Variants in FRYL observed in about 807,000 individuals in gnomAD.
FRYL encodes protein furry homolog-like.
In FRYL, 150 loss-of-function variants were observed where a neutral mutation model predicts 351.2. That is an observed-to-expected ratio of 0.43 (90% CI 0.37 to 0.49). The LOEUF (loss-of-function observed/expected upper bound fraction) is 0.49. FRYL is among the 20% of genes least tolerant of loss of function. The probability of loss-of-function intolerance (pLI) is 0.00; values close to 1 mark genes in which losing one functional copy is unlikely to be tolerated. For missense variants in FRYL, 3,036 were observed against 3,619.3 expected (o/e 0.84, Z 4.13); for synonymous variants, 1,153 against 1,257.1 (o/e 0.92, Z 1.75).
intron 2 of FRYL, among the ~76,000 whole-genome samples, chr4:48,689,051 C>T (rs1374388589): frequency 6.6e-6 from 1 of 152,094 alleles, no homozygotes; most frequent in Non-Finnish European, 1.5e-5. Flanking sequence ...ATTACATGAC[C>T]TGCTAAAAAT....
intron 16 of FRYL, among the ~76,000 whole-genome samples, chr4:48,592,129 G>A: frequency 9.5e-6 from 1 of 105,522 alleles, no homozygotes; most frequent in East Asian, 2.6e-4. Flanking sequence ...ATCTAAGTAA[G>A]ATTAAAAGTT....
chr4:48,657,349 T>C (rs995696281), intron 3 of FRYL, among the ~76,000 whole-genome samples: 19 of 125,350 alleles, frequency 1.5e-4, no homozygotes, highest in Admixed American at 3.8e-4. Flanking sequence ...TTTTCTTTTC[T>C]TTTCTTTTTT....
chr4:48,588,561 A>C (rs1227723071), intron 18 of FRYL, among the ~76,000 whole-genome samples: 2 of 152,204 alleles, frequency 1.3e-5, no homozygotes, highest in Non-Finnish European at 2.9e-5. Context: ...ACCACCTCTC[A>C]GGCACAGCAT....
At chr4:48,580,520 GTAGCATTTTCACAAGTATTTC>G (rs1740667017) in intron 22 of FRYL, 1 of 237,318 alleles carries the variant, frequency 4.2e-6, no homozygotes, top group South Asian at 1.6e-4. Flanking sequence ...TTTTTTTCCC[GTAGCATTTTCACAAGTATTTC>G]TATCTCACGA....
rs1336812705 is a variant in FRYL at position 48,498,674 on chromosome 4, T to TAACA, written c.*744_*747dup. 2.0e-5 allele frequency: 3 copies of TAACA among 152,754 alleles called. No homozygotes were observed. Among genetic ancestry groups the TAACA allele is most frequent in the African/African-American group, 4.8e-5 (2 of 41,584 alleles). 9.5% of individuals were successfully genotyped at this position (152,754 alleles called of 1,614,324 possible). A position where few individuals can be genotyped will look rare whatever the true frequency, so the allele number is the denominator to read the frequency against. Reference sequence around the variant, plus strand: ...GTTTTAAAATATTATTAAAATGTTCTAACATTTACATACTATGAAGAGTTA... The same window carrying TAACA: ...GTTTTAAAATATTATTAAAATGTTCTAACAAACATTTACATACTATGAAGAGTTA... On this transcript the variant is annotated 3_prime_UTR_variant, in exon 64 of 64. Transcript: ENST00000358350.
intron 19 of FRYL, among the ~76,000 whole-genome samples, chr4:48,585,179 T>C (rs1456628434): frequency 1.3e-5 from 2 of 152,206 alleles, no homozygotes; most frequent in African/African-American, 4.8e-5. Context: ...TCCCAAGGAA[T>C]AGTATCATAA....
At chr4:48,527,839 G>T in intron 52 of FRYL, 132 bp downstream of exon 52, 1 of 975,250 alleles carries the variant, frequency 1.0e-6, no homozygotes, top group Non-Finnish European at 1.5e-6. Context: ...CAAGAGATAA[G>T]AAATCTTTTT....
At chr4:48,624,825 T>C (rs1241946338) in intron 4 of FRYL, among the ~76,000 whole-genome samples, 1 of 152,200 alleles carries the variant, frequency 6.6e-6, no homozygotes, top group Non-Finnish European at 1.5e-5. Flanking sequence ...GTAGGTTTCA[T>C]CCAGTCAGCT....
intron 44 of FRYL, among the ~76,000 whole-genome samples, chr4:48,542,776 T>C (rs528427329): frequency 1.2e-4 from 18 of 152,232 alleles, no homozygotes; most frequent in African/African-American, 3.9e-4. Context: ...CCTCCATAAC[T>C]TCCCTTAATC....
rs1728749229 is a variant in FRYL at position 48,535,759 on chromosome 4, G to T, written c.6462C>A (p.His2154Gln). 4.4e-6 allele frequency: 7 copies of T among 1,605,804 alleles called. No individual in the cohort carries two copies. The South Asian group carries it at 7.8e-5, about 18-fold the overall frequency. Reference protein sequence around the residue: ...LAHMMSLYSTHTYSRDCSNWI... With the variant: ...LAHMMSLYSTQTYSRDCSNWI... ...AGTTAGAACAGTCTCTGGAATACGT[G>T]TGTGTACTGTACAAACTCATCATGT... The change falls in exon 48 of 64, where the codon CAC becomes CAA. Residue 2154 changes from histidine to glutamine, a missense_variant. Transcript: ENST00000358350.
At position 48,500,144 on chromosome 4, in the gene FRYL, T is replaced by G. The variant is rs1719219571; in HGVS notation, c.8669A>C (p.Glu2890Ala). 1 of 1,604,908 alleles carries G rather than the reference T, an allele frequency of 6.2e-7. No homozygotes were observed. The highest frequency in any genetic ancestry group is 1.3e-5 in the African/African-American group (1 of 74,346). ...KEAESASENE[E>A]IDISKAAQTT... ...TTGTGCAGCTTTGGAAATGTCAATT[T>G]CTTCGTTTTCGGAAGCGGACTCAGC... Residue 2890 changes from glutamate to alanine, a missense_variant, in exon 63 of 64, where the codon GAA becomes GCA. Glu to Ala is a moderately radical substitution (Grantham distance 107). Transcript: ENST00000358350.
At chr4:48,553,194 C>G in intron 36 of FRYL, 21 bp downstream of exon 36, 1 of 1,596,656 alleles carries the variant, frequency 6.3e-7, no homozygotes, top group Non-Finnish European at 8.6e-7. Flanking sequence ...ACACAGCAAT[C>G]GGTTTTAACA....
intron 1 of FRYL, among the ~76,000 whole-genome samples, chr4:48,756,872 C>T (rs1248599372): frequency 6.6e-6 from 1 of 152,114 alleles, no homozygotes; most frequent in African/African-American, 2.4e-5. Context: ...TGCTCAAGCC[C>T]AGGAGGTTGA....
At chr4:48,767,227 G>A (rs1409341131) in intron 1 of FRYL, among the ~76,000 whole-genome samples, 2 of 151,906 alleles carry the variant, frequency 1.3e-5, no homozygotes, top group Non-Finnish European at 2.9e-5. Context: ...AGCACGCACC[G>A]CCTTCACATG....
intron 58 of FRYL, among the ~76,000 whole-genome samples, 198 bp downstream of exon 58, chr4:48,510,637 C>G (rs1722275699): frequency 1.3e-5 from 2 of 152,094 alleles, no homozygotes; most frequent in Admixed American, 6.5e-5. Context: ...AGGGTAAGGG[C>G]ATGAAGGAGT....
chr4:48,642,850 G>A (rs925154563), intron 3 of FRYL, among the ~76,000 whole-genome samples: 1 of 152,042 alleles, frequency 6.6e-6, no homozygotes, highest in African/African-American at 2.4e-5. Context: ...AATGTGCATG[G>A]ACCTGGGAGC....
chr4:48,774,457 A>C (rs769206719), intron 1 of FRYL, among the ~76,000 whole-genome samples: 2 of 152,166 alleles, frequency 1.3e-5, no homozygotes, highest in Non-Finnish European at 2.9e-5. Flanking sequence ...TCCCCCACAA[A>C]TATAAAGACT....
chr4:48,756,635 A>C (rs1773807305), intron 1 of FRYL, among the ~76,000 whole-genome samples: 2 of 152,182 alleles, frequency 1.3e-5, no homozygotes, highest in Non-Finnish European at 2.9e-5. Flanking sequence ...AATTTATATC[A>C]AATATAATAA....
chr4:48,714,295 G>A (rs1489747054), intron 1 of FRYL, among the ~76,000 whole-genome samples: 1 of 147,378 alleles, frequency 6.8e-6, no homozygotes, highest in African/African-American at 2.5e-5. Flanking sequence ...AGGAAATAGA[G>A]ACACAAAAAA....
Sources: allele counts gnomAD v4.1 joint callset (sites outside exome capture counted in the v4.1 genomes callset), GRCh38; gene constraint gnomAD v4.1.1; transcripts MANE v1.5; gene names NCBI Gene and HGNC (gene_info 2026-07-23, HGNC 2026-07-21).